The following PHACTR1 variants were observed in gnomAD, a reference collection of about 807,000 sequenced individuals.
PHACTR1 encodes RPEL repeat containing 1.
PHACTR1 carries 16 observed loss-of-function variants against 69.2 expected under a neutral mutation model. That is an observed-to-expected ratio of 0.23 (90% CI 0.16 to 0.35). PHACTR1 has a LOEUF of 0.35. PHACTR1 is among the 10% of genes least tolerant of loss of function. PHACTR1 has a pLI of 1.00. For synonymous variants in PHACTR1, 312 were observed against 284.5 expected (o/e 1.10, Z -0.97); for missense variants, 510 against 734.7 (o/e 0.69, Z 3.54).
intron 4 of PHACTR1, among the ~76,000 whole-genome samples, chr6:12,844,227 G>A (rs935565848): frequency 5.9e-5 from 9 of 151,878 alleles, no homozygotes; most frequent in Admixed American, 2.6e-4. Flanking sequence ...AGATTCCATC[G>A]CTACAAAAAA....
At chr6:13,061,224 C>T (rs1006543293) in intron 5 of PHACTR1, among the ~76,000 whole-genome samples, 1 of 152,136 alleles carries the variant, frequency 6.6e-6, no homozygotes, top group Non-Finnish European at 1.5e-5. Context: ...CCAGGATAAT[C>T]TATTTCAGAT....
chr6:12,733,940 G>A (rs538682935), intron 3 of PHACTR1, among the ~76,000 whole-genome samples: 3 of 152,240 alleles, frequency 2.0e-5, no homozygotes, highest in Non-Finnish European at 2.9e-5. Flanking sequence ...ATATCTAAAC[G>A]AGGAACGCTC....
intron 4 of PHACTR1, among the ~76,000 whole-genome samples, chr6:12,921,413 G>T (rs1787638449): frequency 6.6e-6 from 1 of 151,022 alleles, no homozygotes; most frequent in Non-Finnish European, 1.5e-5. Flanking sequence ...AGACTAAAAT[G>T]CTAGTGCACT....
intron 4 of PHACTR1, among the ~76,000 whole-genome samples, chr6:13,007,757 C>G (rs1292603657): frequency 6.7e-6 from 1 of 149,770 alleles, no homozygotes; most frequent in Non-Finnish European, 1.5e-5. Context: ...CGAAATAATG[C>G]TGCAATCAAA....
intron 5 of PHACTR1, among the ~76,000 whole-genome samples, chr6:13,100,389 T>C (rs1039039455): frequency 6.6e-6 from 1 of 152,204 alleles, no homozygotes. Context: ...CTTGATAACT[T>C]GTCTGCCTGT....
chr6:13,211,915 A>AAC (rs908108620), intron 8 of PHACTR1, among the ~76,000 whole-genome samples: 7 of 151,894 alleles, frequency 4.6e-5, no homozygotes, highest in East Asian at 1.9e-4. Flanking sequence ...GCCATTTAAA[A>AAC]ACACACACAC....
intron 5 of PHACTR1, among the ~76,000 whole-genome samples, chr6:13,094,915 G>A (rs1192565008): frequency 1.3e-5 from 2 of 152,144 alleles, no homozygotes; most frequent in African/African-American, 2.4e-5. Flanking sequence ...TACTACCAGT[G>A]TGGCTGTATT....
intron 5 of PHACTR1, among the ~76,000 whole-genome samples, chr6:13,113,433 A>G (rs1025558149): frequency 1.3e-5 from 2 of 152,222 alleles, no homozygotes; most frequent in Non-Finnish European, 2.9e-5. Flanking sequence ...AGAAAGGAAA[A>G]GCAAGGGACG....
At chr6:13,123,852 T>G (rs906750307) in intron 5 of PHACTR1, among the ~76,000 whole-genome samples, 2 of 152,060 alleles carry the variant, frequency 1.3e-5, no homozygotes, top group African/African-American at 4.8e-5. Flanking sequence ...GGCTTCACAG[T>G]GGTGTGTGGT....
At chr6:13,090,189 G>A (rs1026817583) in intron 5 of PHACTR1, among the ~76,000 whole-genome samples, 2 of 152,052 alleles carry the variant, frequency 1.3e-5, no homozygotes, top group African/African-American at 4.8e-5. Flanking sequence ...TGAGTAACTG[G>A]GATTACAGGT....
chr6:13,189,165 T>C (rs1030598329), intron 7 of PHACTR1, among the ~76,000 whole-genome samples: 1 of 152,242 alleles, frequency 6.6e-6, no homozygotes, highest in African/African-American at 2.4e-5. Flanking sequence ...GATGTTCACA[T>C]TTGGGTAATA....
At chr6:13,133,238 TC>T (rs1820800957) in intron 5 of PHACTR1, among the ~76,000 whole-genome samples, 1 of 29,062 alleles carries the variant, frequency 3.4e-5, no homozygotes, top group Non-Finnish European at 5.9e-5. Flanking sequence ...CCCCTCTCCC[TC>T]TCCCTTTCCC....
At chr6:13,045,750 A>T (rs537944890) in intron 4 of PHACTR1, among the ~76,000 whole-genome samples, 7 of 152,310 alleles carry the variant, frequency 4.6e-5, no homozygotes, top group Non-Finnish European at 8.8e-5. Context: ...CCAGGGGGCC[A>T]CTAAAGGGCA....
chr6:12,925,245 A>G (rs1788146396), intron 4 of PHACTR1, among the ~76,000 whole-genome samples: 2 of 152,224 alleles, frequency 1.3e-5, no homozygotes, highest in South Asian at 4.1e-4. Flanking sequence ...TGACTTGTTG[A>G]TTCAACATGG....
chr6:13,179,733 T>C lies in PHACTR1; in HGVS notation c.497-2786T>C, dbSNP rs1264168852. ...ATAGATAGATAGATAGATAGATAGA[T>C]AGATAGATAGATAGACAGAACAAGG... On this transcript the variant is annotated intron_variant, in intron 6 of 14. Coordinates refer to ENST00000332995, the MANE Select transcript of PHACTR1 (RefSeq NM_030948.6). This position sits in a 1 kb window ranked among gnomAD's most constrained non-coding sequence, Gnocchi z 4.2. 2.4e-5 allele frequency among the ~76,000 whole-genome samples: 3 copies of C among 127,188 alleles called. No homozygotes were observed. Among genetic ancestry groups the C allele is most frequent in the Admixed American group, 7.8e-5 (1 of 12,836 alleles). The allele number at this position is 127,188 out of a possible 152,430, so 83.4% of individuals were successfully genotyped here. A position where few individuals can be genotyped will look rare whatever the true frequency, so the allele number is the denominator to read the frequency against.
intron 7 of PHACTR1, among the ~76,000 whole-genome samples, chr6:13,188,753 C>T (rs1266903507): frequency 6.6e-6 from 1 of 152,206 alleles, no homozygotes; most frequent in African/African-American, 2.4e-5. Context: ...TGTCTTGCTT[C>T]ATTTCTTGTT....
chr6:13,060,419 C>T (rs1807498579), intron 5 of PHACTR1, among the ~76,000 whole-genome samples: 1 of 152,078 alleles, frequency 6.6e-6, no homozygotes, highest in Admixed American at 6.6e-5. Flanking sequence ...TGTGTGTCTT[C>T]TGATTTGTCA....
intron 10 of PHACTR1, among the ~76,000 whole-genome samples, chr6:13,260,411 C>A (rs1247316234): frequency 6.6e-6 from 1 of 152,098 alleles, no homozygotes; most frequent in Non-Finnish European, 1.5e-5. Context: ...GGAGTGAATT[C>A]AAGCATTATT....
intron 4 of PHACTR1, among the ~76,000 whole-genome samples, chr6:13,016,860 A>C (rs1471697173): frequency 6.6e-6 from 1 of 152,182 alleles, no homozygotes; most frequent in Non-Finnish European, 1.5e-5. Flanking sequence ...ACAGGGGAAA[A>C]CAAAGACTCA....
Sources: allele counts gnomAD v4.1 joint callset (sites outside exome capture counted in the v4.1 genomes callset), GRCh38; gene constraint gnomAD v4.1.1; non-coding constraint Gnocchi (gnomAD v3.1); transcripts MANE v1.5; gene names NCBI Gene and HGNC (gene_info 2026-07-23, HGNC 2026-07-21).